The following AUTS2 variants were observed in gnomAD, a reference collection of about 807,000 sequenced individuals.
AUTS2 encodes the protein activator of transcription and developmental regulator AUTS2.
A neutral mutation model predicts 112.4 loss-of-function variants in AUTS2; 17 were observed. The ratio of observed to expected loss-of-function variants is 0.15; its 90% confidence interval spans 0.10 to 0.23. AUTS2 has a LOEUF of 0.23. AUTS2 is among the 10% of genes least tolerant of loss of function. The pLI is 1.00. For missense variants in AUTS2, 1,510 were observed against 1,701.6 expected (o/e 0.89, Z 1.98); for synonymous variants, 751 against 702.7 (o/e 1.07, Z -1.09).
At chr7:70,150,498 T>C (rs1807370849) in intron 4 of AUTS2, among the ~76,000 whole-genome samples, 1 of 152,210 alleles carries the variant, frequency 6.6e-6, no homozygotes, top group Non-Finnish European at 1.5e-5. Context: ...TGTTCTTAAT[T>C]ATTTGAGCTC....
chr7:69,826,259 A>G (rs1010657344), intron 1 of AUTS2, among the ~76,000 whole-genome samples: 2 of 152,186 alleles, frequency 1.3e-5, no homozygotes, highest in African/African-American at 2.4e-5. Flanking sequence ...GAAGGTTTTA[A>G]TCTCTCACAC....
intron 6 of AUTS2, among the ~76,000 whole-genome samples, chr7:70,758,125 T>C (rs147366459): frequency 1.3e-5 from 2 of 152,242 alleles, no homozygotes; most frequent in East Asian, 3.9e-4. Context: ...ATATATATTA[T>C]TTCCCTCCAT....
At chr7:70,505,228 G>A (rs1798916631) in intron 5 of AUTS2, among the ~76,000 whole-genome samples, 1 of 152,182 alleles carries the variant, frequency 6.6e-6, no homozygotes, top group Admixed American at 6.5e-5. Context: ...GAATTTTAAA[G>A]ACTTCCTTTT....
At chr7:69,652,976 G>A (rs1795359428) in intron 1 of AUTS2, among the ~76,000 whole-genome samples, 1 of 152,148 alleles carries the variant, frequency 6.6e-6, no homozygotes, top group Non-Finnish European at 1.5e-5. Context: ...GCTTTAGCTA[G>A]GAGGCTGAGT....
chr7:70,134,684 A>G (rs1168992521), intron 4 of AUTS2, 113 bp downstream of exon 4: 6 of 956,684 alleles, frequency 6.3e-6, no homozygotes, highest in Non-Finnish European at 1.0e-5. Flanking sequence ...CTCAGTCCTA[A>G]AGAGCAGACT....
chr7:70,048,792 A>G (rs1801616910), intron 2 of AUTS2, among the ~76,000 whole-genome samples: 1 of 152,212 alleles, frequency 6.6e-6, no homozygotes, highest in Admixed American at 6.5e-5. Flanking sequence ...TTGTTTGTGG[A>G]AAAGTTGATT....
At chr7:69,689,737 G>T (rs1328676306) in intron 1 of AUTS2, among the ~76,000 whole-genome samples, 1 of 150,890 alleles carries the variant, frequency 6.6e-6, no homozygotes, top group Non-Finnish European at 1.5e-5. Context: ...GAGTGTAGTG[G>T]CATGATCTTG....
intron 2 of AUTS2, among the ~76,000 whole-genome samples, chr7:70,052,131 G>A (rs1801782383): frequency 6.6e-6 from 1 of 152,188 alleles, no homozygotes; most frequent in Admixed American, 6.5e-5. Context: ...GACATAGAGT[G>A]ATCTTAACAG....
At chr7:69,814,855 A>G (rs1261820472) in intron 1 of AUTS2, among the ~76,000 whole-genome samples, 1 of 152,230 alleles carries the variant, frequency 6.6e-6, no homozygotes, top group African/African-American at 2.4e-5. Flanking sequence ...TCCGCCCTTG[A>G]CAGTGTTGTG....
At chr7:70,587,281 T>C (rs925333064) in intron 5 of AUTS2, among the ~76,000 whole-genome samples, 2 of 152,186 alleles carry the variant, frequency 1.3e-5, no homozygotes, top group African/African-American at 2.4e-5. Flanking sequence ...CTCACTCTGC[T>C]GCTCAGGCTG....
chr7:69,698,146 A>G (rs770292472), intron 1 of AUTS2, among the ~76,000 whole-genome samples: 5 of 152,186 alleles, frequency 3.3e-5, no homozygotes, highest in Non-Finnish European at 5.9e-5. Context: ...GTGATCTGAT[A>G]TGGAGTGTCT....
intron 4 of AUTS2, among the ~76,000 whole-genome samples, chr7:70,384,959 A>G (rs1197160805): frequency 2.0e-5 from 3 of 152,120 alleles, no homozygotes; most frequent in Admixed American, 6.6e-5. Context: ...CACCTTGGAG[A>G]TATAGTGGGT....
chr7:70,567,186 C>G (rs1801744021), intron 5 of AUTS2, among the ~76,000 whole-genome samples: 1 of 152,164 alleles, frequency 6.6e-6, no homozygotes, highest in Admixed American at 6.5e-5. Context: ...CCAATGAAAC[C>G]CTTTATTAGG....
At chr7:69,906,388 A>T (rs1746088077) in intron 2 of AUTS2, among the ~76,000 whole-genome samples, 1 of 152,142 alleles carries the variant, frequency 6.6e-6, no homozygotes, top group Non-Finnish European at 1.5e-5. Flanking sequence ...AATGAGTGGG[A>T]AGTGGGAGGA....
chr7:70,461,430 A>T (rs10230510), intron 5 of AUTS2, among the ~76,000 whole-genome samples: 11,701 of 152,070 alleles, frequency 0.077, 581 homozygotes, highest in East Asian at 0.14. Context: ...TGGCTTAGTT[A>T]CCAAAGGCTG....
chr7:69,795,418 A>G (rs1280911873), intron 1 of AUTS2, among the ~76,000 whole-genome samples: 3 of 152,136 alleles, frequency 2.0e-5, no homozygotes, highest in Admixed American at 6.5e-5. Context: ...AGTGGCTCAT[A>G]CCTATAATCC....
At chr7:69,941,512 A>T (rs779727506) in intron 2 of AUTS2, among the ~76,000 whole-genome samples, 1 of 151,608 alleles carries the variant, frequency 6.6e-6, no homozygotes, top group Non-Finnish European at 1.5e-5. Flanking sequence ...TTCCAAGAAG[A>T]TGGGAAGTTT....
At chr7:70,260,254 T>A (rs1787096340) in intron 4 of AUTS2, among the ~76,000 whole-genome samples, 1 of 151,944 alleles carries the variant, frequency 6.6e-6, no homozygotes, top group Non-Finnish European at 1.5e-5. Flanking sequence ...TGGTCCCAGC[T>A]ACTCGGGAGG....
chr7:70,657,719 G>C (rs977963070), intron 5 of AUTS2, among the ~76,000 whole-genome samples: 7 of 152,138 alleles, frequency 4.6e-5, no homozygotes, highest in Non-Finnish European at 7.3e-5. Context: ...TGTCATCAGG[G>C]CTTTTTTTCC....
Sources: gnomAD v4.1 joint callset for allele counts (sites outside exome capture counted in the v4.1 genomes callset) on GRCh38, gnomAD v4.1.1 for gene constraint, MANE v1.5 for transcripts, NCBI Gene and HGNC (gene_info 2026-07-23, HGNC 2026-07-21) for gene names.